The following RAD23B variants were observed in gnomAD, a reference collection of about 807,000 sequenced individuals.
The protein encoded by RAD23B is RAD23 nucleotide excision repair protein B, also known as lysine-specific demethylase RAD23B.
Under a neutral mutation model 49.1 loss-of-function variants are expected in RAD23B, and 5 were observed. The ratio of observed to expected loss-of-function variants is 0.10; its 90% CI spans 0.05 to 0.21. The LOEUF is 0.21. Among genes scored for constraint, RAD23B ranks in the 10% least tolerant of loss-of-function variants. The pLI, the probability that RAD23B is intolerant of heterozygous loss-of-function variation, is 1.00. For synonymous variants in RAD23B, 184 were observed against 165.4 expected (o/e 1.11, Z -0.86); for missense variants, 356 against 486.7 (o/e 0.73, Z 2.53).
In RAD23B at chr9:107,302,183, C is replaced by T; in HGVS notation, c.228+69C>T. 1.9e-6 allele frequency: 3 copies of T among 1,598,448 alleles called. 1 individual carries two copies. Among genetic ancestry groups the T allele is most frequent in the African/African-American group, 1.3e-5 (1 of 74,172 alleles). ...TTTTTAAAAATGATGATCACAAGTCCACACAATGGACACAGTTTATACACA... is the reference window on the plus strand; with the variant it reads ...TTTTTAAAAATGATGATCACAAGTCTACACAATGGACACAGTTTATACACA... On this transcript the variant is annotated intron_variant, in intron 3 of 9. Transcript: ENST00000358015.
rs1486422465 is a variant in RAD23B at position 107,331,880 on chromosome 9, A to G, written c.*2224A>G. On this transcript the variant is annotated 3_prime_UTR_variant, in exon 10 of 10. Transcript: ENST00000358015. ...TCAGCCGAGACACCATAAAAGAAAT[A>G]GGCTTTTTGTGCCTTTTGCTGTTAA... 2.0e-6 allele frequency: 1 copy of G among 504,710 alleles called. No homozygotes were observed. The highest frequency in any genetic ancestry group is 1.9e-5 in the African/African-American group (1 of 51,952). 31.3% of individuals were successfully genotyped at this position (504,710 alleles called of 1,614,324 possible). A position where few individuals can be genotyped will look rare whatever the true frequency, so the allele number is the denominator to read the frequency against.
intron 4 of RAD23B, among the ~76,000 whole-genome samples, chr9:107,307,320 G>C (rs904319151): frequency 1.3e-5 from 2 of 152,222 alleles, no homozygotes; most frequent in Non-Finnish European, 2.9e-5. Context: ...GGCTGCTTAG[G>C]CAGTTAGGAT....
At position 107,284,012 on chromosome 9, in the gene RAD23B, C is replaced by T. The variant is rs948300791; in HGVS notation, c.66+317C>T. ...CGGAGGGGGATGGGAAGGTCCAGGC[C>T]GTCTCAGCCGTAGAGCCTGGCTTTC... is the stretch of plus-strand genomic sequence containing the variant. On this transcript the variant is annotated intron_variant, in intron 1 of 9. Coordinates refer to ENST00000358015, the MANE Select transcript of RAD23B (RefSeq NM_002874.5). 22 of 1,075,970 alleles carry T rather than the reference C, an allele frequency of 2.0e-5. No homozygotes were observed. In the African/African-American group the frequency reaches 2.7e-4, roughly 13 times the overall value. 66.7% of individuals were successfully genotyped at this position (1,075,970 alleles called of 1,614,324 possible).
At chr9:107,305,210 G>A (rs1405322983) in intron 3 of RAD23B, among the ~76,000 whole-genome samples, 1 of 152,196 alleles carries the variant, frequency 6.6e-6, no homozygotes, top group East Asian at 1.9e-4. Context: ...CGGGGGCAGT[G>A]GCTGAGGCAG....
Position 107,302,045 on chromosome 9 carries a change from C to T in RAD23B, c.159C>T (p.Leu53=), listed in dbSNP as rs775588834. Residue 53 remains leucine (L), a synonymous_variant, in exon 3 of 10, where the codon CTC becomes CTT. Coordinates refer to ENST00000358015, the MANE Select transcript of RAD23B (RefSeq NM_002874.5). ...CTCTTAATGTATTAGGCAAAATCCT[C>T]AATGATGATACTGCTCTCAAAGAAT... ...GQKLIYAGKI[L]NDDTALKEYK... is the part of the protein sequence containing the mutation. The T allele has an allele frequency of 9.9e-6, 16 of 1,611,694 alleles. No individual in the cohort carries two copies. The East Asian group carries it at 1.8e-4, about 18-fold the overall frequency.
intron 4 of RAD23B, among the ~76,000 whole-genome samples, chr9:107,307,304 C>T (rs886503391): frequency 2.6e-5 from 4 of 152,246 alleles, no homozygotes; most frequent in African/African-American, 9.6e-5. Flanking sequence ...GACACCTCAA[C>T]TAAGTGGCTG....
chr9:107,307,880 C>T (rs1826810595), intron 4 of RAD23B, among the ~76,000 whole-genome samples: 1 of 152,126 alleles, frequency 6.6e-6, no homozygotes, highest in African/African-American at 2.4e-5. Context: ...GACACCATTG[C>T]CTAACTTGAT....
intron 9 of RAD23B, among the ~76,000 whole-genome samples, chr9:107,325,521 C>T (rs1003016587): frequency 2.6e-5 from 4 of 151,942 alleles, no homozygotes; most frequent in African/African-American, 9.7e-5. Context: ...ATGGATTTTT[C>T]TCTTAATTTC....
rs781760113 is a variant in RAD23B, at chr9:107,302,047, A to G, written c.161A>G (p.Asn54Ser). ...QKLIYAGKILNDDTALKEYKI... is the reference protein window; with the variant it reads ...QKLIYAGKILSDDTALKEYKI... ...CTTAATGTATTAGGCAAAATCCTCA[A>G]TGATGATACTGCTCTCAAAGAATAT... Residue 54 changes from asparagine to serine, a missense_variant, in exon 3 of 10, where the codon AAT (asparagine) becomes AGT (serine). Asn to Ser is a conservative substitution (Grantham distance 46). This residue lies in a region of RAD23B where 32 missense variants were observed against 62.3 expected (regional missense o/e 0.51). Transcript: ENST00000358015. 23 of 1,612,528 alleles carry G rather than the reference A, an allele frequency of 1.4e-5. No individual in the cohort carries two copies. Among genetic ancestry groups the G allele is most frequent in the Non-Finnish European group, 1.5e-5 (18 of 1,179,558 alleles).
At chr9:107,292,470 G>C (rs1833401627) in intron 1 of RAD23B, among the ~76,000 whole-genome samples, 1 of 152,084 alleles carries the variant, frequency 6.6e-6, no homozygotes, top group African/African-American at 2.4e-5. Context: ...CACGAGGTCA[G>C]GAGTTCGAGA....
At chr9:107,303,126 A>G (rs1316871624) in intron 3 of RAD23B, among the ~76,000 whole-genome samples, 2 of 152,186 alleles carry the variant, frequency 1.3e-5, no homozygotes, top group African/African-American at 4.8e-5. Flanking sequence ...ATTAAGAGAC[A>G]AATGGAGAAG....
chr9:107,319,450 C>A (rs1313318806), intron 6 of RAD23B, among the ~76,000 whole-genome samples: 2 of 152,050 alleles, frequency 1.3e-5, no homozygotes, highest in Admixed American at 6.6e-5. Flanking sequence ...GCTTGAGAAT[C>A]CGGGCCAAAT....
chr9:107,304,172 A>C (rs1826714117), intron 3 of RAD23B, among the ~76,000 whole-genome samples: 1 of 152,220 alleles, frequency 6.6e-6, no homozygotes, highest in Admixed American at 6.5e-5. Context: ...AAAACTAAAA[A>C]GCAGAGAAGG....
intron 1 of RAD23B, among the ~76,000 whole-genome samples, chr9:107,293,179 T>A (rs1042305103): frequency 6.6e-5 from 10 of 151,848 alleles, no homozygotes; most frequent in African/African-American, 2.4e-4. Flanking sequence ...CTTCTCCCAG[T>A]GTTAGTGATC....
intron 9 of RAD23B, among the ~76,000 whole-genome samples, chr9:107,326,704 G>A (rs932993714): frequency 9.2e-5 from 11 of 119,976 alleles, no homozygotes; most frequent in Middle Eastern, 8.5e-3. Context: ...CGTGATCTCC[G>A]CTCATTGCAA....
intron 1 of RAD23B, among the ~76,000 whole-genome samples, chr9:107,295,488 A>AT (rs1157449483): frequency 6.6e-6 from 1 of 152,182 alleles, no homozygotes; most frequent in African/African-American, 2.4e-5. Context: ...TGAGAAGGAG[A>AT]TGTAGGTGGG....
chr9:107,322,896 T>C (rs1355929790), intron 7 of RAD23B, among the ~76,000 whole-genome samples: 2 of 152,176 alleles, frequency 1.3e-5, no homozygotes, highest in Non-Finnish European at 2.9e-5. Context: ...AGCTCTGCTT[T>C]GGATTTGGGG....
At chr9:107,284,008 A>G in intron 1 of RAD23B, 2 of 1,082,954 alleles carry the variant, frequency 1.8e-6, no homozygotes, top group Non-Finnish European at 2.2e-6. Context: ...GGGAAGGTCC[A>G]GGCCGTCTCA....
intron 4 of RAD23B, among the ~76,000 whole-genome samples, chr9:107,308,807 C>T (rs568292997): frequency 5.9e-5 from 9 of 152,244 alleles, no homozygotes; most frequent in African/African-American, 2.2e-4. Context: ...GTTCCTTTGT[C>T]TTTGCTGGAA....
Sources: allele counts gnomAD v4.1 joint callset (sites outside exome capture counted in the v4.1 genomes callset), GRCh38; gene constraint gnomAD v4.1.1; regional missense constraint gnomAD v4.1.1; transcripts MANE v1.5; gene names NCBI Gene and HGNC (gene_info 2026-07-23, HGNC 2026-07-21).